PCDH15: variants seen among roughly 807,000 people sequenced by gnomAD.
PCDH15 encodes the protein protocadherin-15.
In PCDH15, 129 loss-of-function variants were observed where a neutral mutation model predicts 178.5. The observed-to-expected ratio is 0.72, with a 90% CI of 0.63 to 0.84. The LOEUF is 0.84. PCDH15 is among the 40% of genes least tolerant of loss of function. The pLI is 0.00. For missense variants in PCDH15, 2,230 were observed against 2,099.9 expected, an observed-to-expected ratio of 1.06 and a Z score of -1.21; for synonymous variants, 800 against 732.0, an observed-to-expected ratio of 1.09 and a Z score of -1.50.
chr10:55,429,159 T>C (rs549646866), intron 2 of PCDH15, among the ~76,000 whole-genome samples: 1 of 152,224 alleles, frequency 6.6e-6, no homozygotes, highest in Non-Finnish European at 1.5e-5. Flanking sequence ...ACCCATGTAG[T>C]AACCATTTCT....
chr10:53,906,497 C>T (rs1366830641), intron 25 of PCDH15, among the ~76,000 whole-genome samples: 1 of 152,096 alleles, frequency 6.6e-6, no homozygotes, highest in African/African-American at 2.4e-5. Flanking sequence ...TTTTTCCGCT[C>T]AGATATTATT....
intron 5 of PCDH15, among the ~76,000 whole-genome samples, chr10:54,365,968 T>C (rs1183711744): frequency 6.6e-6 from 1 of 152,094 alleles, no homozygotes; most frequent in Non-Finnish European, 1.5e-5. Context: ...ATTGTGATTA[T>C]GATATAATAC....
chr10:55,413,374 A>ATTTT (rs201761456), intron 2 of PCDH15, among the ~76,000 whole-genome samples: 1,877 of 151,796 alleles, frequency 0.012, 48 homozygotes, highest in African/African-American at 0.043. Flanking sequence ...TATTTTAAAT[A>ATTTT]AAATGTTTAG....
chr10:54,681,384 A>G (rs2094896126), intron 1 of PCDH15, among the ~76,000 whole-genome samples: 1 of 152,198 alleles, frequency 6.6e-6, no homozygotes, highest in Non-Finnish European at 1.5e-5. Flanking sequence ...GAGGATGTAC[A>G]AAGAGAGAAA....
intron 2 of PCDH15, among the ~76,000 whole-genome samples, chr10:54,596,241 C>T (rs945146933): frequency 6.6e-6 from 1 of 152,066 alleles, no homozygotes; most frequent in Admixed American, 6.6e-5. Flanking sequence ...CAAAAGGAAG[C>T]CCATCAGACT....
intron 3 of PCDH15, among the ~76,000 whole-genome samples, chr10:54,504,484 G>A (rs1322251047): frequency 6.6e-6 from 1 of 151,888 alleles, no homozygotes; most frequent in African/African-American, 2.4e-5. Context: ...TTATTTTACT[G>A]CCTATTTTAT....
intron 1 of PCDH15, among the ~76,000 whole-genome samples, chr10:55,190,798 A>C (rs1839926939): frequency 6.6e-6 from 1 of 151,690 alleles, no homozygotes; most frequent in African/African-American, 2.4e-5. Flanking sequence ...TGCTTAATGG[A>C]ACTCTCATTT....
At chr10:54,128,848 T>C (rs2042192634) in intron 15 of PCDH15, among the ~76,000 whole-genome samples, 3 of 152,176 alleles carry the variant, frequency 2.0e-5, no homozygotes, top group Admixed American at 2.0e-4. Context: ...AGCCTTAAAA[T>C]AAATTGTATA....
chr10:54,378,684 C>A, intron 4 of PCDH15, 98 bp downstream of exon 4: 2 of 1,370,648 alleles, frequency 1.5e-6, no homozygotes, highest in Non-Finnish European at 2.0e-6. Context: ...GAAATAAACT[C>A]AAATTATGTA....
At chr10:55,296,838 T>A (rs1182748491) in intron 1 of PCDH15, among the ~76,000 whole-genome samples, 1 of 152,172 alleles carries the variant, frequency 6.6e-6, no homozygotes, top group Non-Finnish European at 1.5e-5. Context: ...AATTATTTCA[T>A]CAACACCCCC....
intron 2 of PCDH15, chr10:54,607,978 C>G (rs2092818310): frequency 2.0e-6 from 1 of 493,156 alleles, no homozygotes; most frequent in African/African-American, 2.0e-5. Flanking sequence ...TTTGGAAAGG[C>G]TTTGCCTACA....
chr10:54,667,289 C>A (rs2094586789), intron 1 of PCDH15, among the ~76,000 whole-genome samples: 1 of 152,058 alleles, frequency 6.6e-6, no homozygotes, highest in South Asian at 2.1e-4. Flanking sequence ...CTCATCACAT[C>A]AACCCGATAC....
chr10:54,405,687 A>G (rs940628647), intron 3 of PCDH15, among the ~76,000 whole-genome samples: 3 of 151,730 alleles, frequency 2.0e-5, no homozygotes, highest in African/African-American at 7.3e-5. Flanking sequence ...AACATAAAAT[A>G]AAAGTTAAAT....
intron 4 of PCDH15, among the ~76,000 whole-genome samples, chr10:54,375,766 C>CATATATAT (rs373857140): frequency 2.4e-4 from 27 of 110,706 alleles, no homozygotes; most frequent in African/African-American, 8.7e-4. Flanking sequence ...ATATTCAGAG[C>CATATATAT]ATATATATAT....
At chr10:55,066,413 C>G in intron 2 of PCDH15, among the ~76,000 whole-genome samples, 1 of 150,176 alleles carries the variant, frequency 6.7e-6, no homozygotes, top group East Asian at 1.9e-4. Flanking sequence ...TGAGTTGTTT[C>G]TAATTAGAGA....
At chr10:55,575,674 C>T (rs761953778) in intron 2 of PCDH15, 6 of 152,104 alleles carry the variant, frequency 3.9e-5, no homozygotes. Flanking sequence ...ATGTGCATGT[C>T]CGCAGTGCAT....
intron 3 of PCDH15, among the ~76,000 whole-genome samples, chr10:54,490,987 G>T (rs1589686550): frequency 1.3e-5 from 2 of 152,102 alleles, no homozygotes; most frequent in African/African-American, 4.8e-5. Context: ...AGCCCACCCT[G>T]GCCAGGGATA....
At chr10:53,958,209 A>T (rs551516149) in intron 23 of PCDH15, among the ~76,000 whole-genome samples, 1 of 152,188 alleles carries the variant, frequency 6.6e-6, no homozygotes, top group Non-Finnish European at 1.5e-5. Flanking sequence ...TTCATTTTTC[A>T]TTATCCTCAA....
At chr10:54,059,696 G>A (rs887236679) in intron 18 of PCDH15, among the ~76,000 whole-genome samples, 25 of 152,178 alleles carry the variant, frequency 1.6e-4, no homozygotes, top group African/African-American at 5.6e-4. Context: ...TGCTGATGCT[G>A]CTTTTCCAGG....
Sources: gnomAD v4.1 joint callset for allele counts (sites outside exome capture counted in the v4.1 genomes callset) on GRCh38, gnomAD v4.1.1 for gene constraint, MANE v1.5 for transcripts, NCBI Gene and HGNC (gene_info 2026-07-23, HGNC 2026-07-21) for gene names.